The following USP6 variants were observed in gnomAD, a reference collection of about 807,000 sequenced individuals.
USP6 encodes the protein ubiquitin specific peptidase 6.
USP6 carries 128 observed loss-of-function variants against 175.7 expected under a neutral mutation model. The ratio of observed to expected loss-of-function variants is 0.73; its 90% confidence interval spans 0.63 to 0.84. The LOEUF (loss-of-function observed/expected upper bound fraction) is 0.84. Among genes scored for constraint, USP6 ranks in the 40% least tolerant of loss-of-function variants. USP6 has a pLI of 0.00. For synonymous variants in USP6, 562 were observed against 630.6 expected, an observed-to-expected ratio of 0.89 and a Z score of 1.63; for missense variants, 1,498 against 1,760.3, an observed-to-expected ratio of 0.85 and a Z score of 2.67.
intron 34 of USP6, 88 bp from the exon 35 acceptor site, chr17:5,168,679 A>G: frequency 6.9e-7 from 1 of 1,448,384 alleles, no homozygotes; most frequent in Non-Finnish European, 9.3e-7. Context: ...ATTTCCAAAC[A>G]TTCACATGTA....
chr17:5,143,894 C>T (rs1429118018), intron 25 of USP6, among the ~76,000 whole-genome samples: 2 of 152,012 alleles, frequency 1.3e-5, no homozygotes, highest in African/African-American at 2.4e-5. Context: ...CCACTGCACT[C>T]CAGCCTGGGC....
In USP6 at chr17:5,138,212, C is replaced by T. The variant is rs1346078320; in HGVS notation, c.1017C>T (p.Leu339=). Residue 339 remains leucine (L), a synonymous_variant, in exon 21 of 38, where the codon CTC becomes CTT. Coordinates refer to ENST00000574788, the MANE Select transcript of USP6 (RefSeq NM_001304284.2). ...DTWAMNDDTV[L]KHLRASTKKL... The stretch of plus-strand genomic sequence containing the variant: ...GGGCCATGAACGATGACACCGTGCT[C>T]AAGCATCTTAGGGCCTCTACGAAGA... The T allele has an allele frequency of 1.3e-5, 21 of 1,614,118 alleles. No homozygotes were observed. Among genetic ancestry groups the T allele is most frequent in the Non-Finnish European group, 1.6e-5 (19 of 1,180,004 alleles).
chr17:5,125,678 GCACACACACACACACACACACACA>G (rs71151842), intron 5 of USP6, 119 bp from the exon 6 acceptor site: 1 of 137,592 alleles, frequency 7.3e-6, no homozygotes, highest in Non-Finnish European at 1.6e-5. Context: ...ACACGCACAT[GCACACACACACACACACACACACA>G]CACACACACA....
intron 36 of USP6, among the ~76,000 whole-genome samples, 177 bp downstream of exon 36, chr17:5,171,092 T>G (rs2074207497): frequency 6.6e-6 from 1 of 152,188 alleles, no homozygotes; most frequent in African/African-American, 2.4e-5. Flanking sequence ...CTCACACCTG[T>G]AATCCCAGCA....
intron 16 of USP6, among the ~76,000 whole-genome samples, 198 bp from the exon 17 acceptor site, chr17:5,135,610 C>G (rs576343414): frequency 1.3e-5 from 2 of 152,338 alleles, no homozygotes; most frequent in East Asian, 3.9e-4. Context: ...ACGGTGCTCT[C>G]AGGAGACATT....
rs539898107 is a variant in USP6, at chr17:5,130,581, A to G, written c.73-21A>G. 1.9e-6 allele frequency: 3 copies of G among 1,613,596 alleles called. No individual in the cohort carries two copies. In the African/African-American group the frequency reaches 4.0e-5, roughly 22 times the overall value. ...CACCCTTTACCTTGGACCCCTCACC[A>G]AGGCTCCCTCTGGGTTACAGGGACA... On this transcript the variant is annotated intron_variant, in intron 10 of 37. Transcript: ENST00000574788.
intron 22 of USP6, among the ~76,000 whole-genome samples, chr17:5,140,106 C>G (rs2073399183): frequency 6.6e-6 from 1 of 151,990 alleles, no homozygotes; most frequent in South Asian, 2.1e-4. Flanking sequence ...ACACCATGAG[C>G]CTGTCTTTAA....
At chr17:5,161,786 C>T (rs1319130656) in intron 32 of USP6, among the ~76,000 whole-genome samples, 172 bp downstream of exon 32, 2 of 152,190 alleles carry the variant, frequency 1.3e-5, no homozygotes, top group African/African-American at 2.4e-5. Context: ...GAAGCCGAGG[C>T]GGGTGGATCA....
chr17:5,149,406 AAAAAACAAAAAC>A (rs1004536153), intron 30 of USP6, among the ~76,000 whole-genome samples: 3 of 152,272 alleles, frequency 2.0e-5, no homozygotes, highest in African/African-American at 4.8e-5. Context: ...TCATCTCAAA[AAAAAACAAAAAC>A]AAAAACAAAA....
chr17:5,146,608 G>A (rs544923150), intron 28 of USP6, among the ~76,000 whole-genome samples: 9 of 152,102 alleles, frequency 5.9e-5, no homozygotes, highest in Non-Finnish European at 1.2e-4. Flanking sequence ...GAAATTAAGA[G>A]TAAAGACAAA....
At chr17:5,138,532 G>C (rs370559992) in intron 21 of USP6, among the ~76,000 whole-genome samples, 5 of 151,920 alleles carry the variant, frequency 3.3e-5, no homozygotes, top group African/African-American at 1.2e-4. Flanking sequence ...CACTTTCCAC[G>C]GTGTCTCGCT....
intron 21 of USP6, 152 bp from the exon 22 acceptor site, chr17:5,139,103 G>C (rs2073358320): frequency 6.3e-7 from 1 of 1,595,930 alleles, no homozygotes; most frequent in Admixed American, 1.7e-5. Context: ...CCTCCCTCTG[G>C]GATCAGCAGA....
chr17:5,171,011 T>C, intron 36 of USP6, 96 bp downstream of exon 36: 3 of 1,421,116 alleles, frequency 2.1e-6, no homozygotes, highest in South Asian at 1.3e-5. Context: ...GTCCTGCTAA[T>C]TTCCTAGCAT....
intron 21 of USP6, among the ~76,000 whole-genome samples, 181 bp downstream of exon 21, chr17:5,138,454 C>T (rs945324952): frequency 1.3e-5 from 2 of 152,148 alleles, no homozygotes; most frequent in East Asian, 3.9e-4. Context: ...GCACTCAGTG[C>T]GTGTATACTG....
chr17:5,139,011 C>T (rs1296036639), intron 21 of USP6: 2 of 1,546,144 alleles, frequency 1.3e-6, no homozygotes, highest in African/African-American at 1.4e-5. Flanking sequence ...CAGGAAGCCC[C>T]CAGCCAGTCT....
At chr17:5,122,553 C>T (rs143005473) in intron 4 of USP6, among the ~76,000 whole-genome samples, 507 of 152,338 alleles carry the variant, frequency 3.3e-3, no homozygotes, top group African/African-American at 0.011. Context: ...CCCGGGAGGC[C>T]GAACCGGCCC....
In USP6 at chr17:5,170,534, C is replaced by T; in HGVS notation, c.3573C>T (p.Ser1191=). Residue 1191 remains serine, a synonymous_variant, in exon 36 of 38, where the codon AGC becomes AGT. Transcript: ENST00000574788. ...CCAGCTGTCCCTCCAGCAAAAACAG[C>T]AGCCCTAATAGCAGCCCACGGACTT... ...SGTSCPSSKN[S]SPNSSPRTLG... 6.2e-7 allele frequency: 1 copy of T among 1,611,772 alleles called. No homozygotes were observed. The highest frequency in any genetic ancestry group is 1.1e-5 in the South Asian group (1 of 90,966).
chr17:5,155,309 A>G, intron 30 of USP6, 113 bp from the exon 31 acceptor site: 4 of 1,243,634 alleles, frequency 3.2e-6, no homozygotes, highest in Non-Finnish European at 4.6e-6. Context: ...GAAGAATGTG[A>G]TAGTGACTAA....
intron 33 of USP6, among the ~76,000 whole-genome samples, chr17:5,166,626 CA>C (rs1235018789): frequency 6.6e-6 from 1 of 152,016 alleles, no homozygotes; most frequent in Non-Finnish European, 1.5e-5. Context: ...CTTTGGGACA[CA>C]AATATATACT....
Sources: gnomAD v4.1 joint callset for allele counts (sites outside exome capture counted in the v4.1 genomes callset) on GRCh38, gnomAD v4.1.1 for gene constraint, MANE v1.5 for transcripts, NCBI Gene and HGNC (gene_info 2026-07-23, HGNC 2026-07-21) for gene names.